PPP4R4: variants seen among roughly 807,000 people sequenced by gnomAD.
PPP4R4 encodes the protein serine/threonine-protein phosphatase 4 regulatory subunit 4.
PPP4R4 carries 70 observed loss-of-function variants against 121.8 expected under a neutral mutation model. That is an observed-to-expected ratio of 0.57 (90% confidence interval 0.47 to 0.70). The LOEUF (loss-of-function observed/expected upper bound fraction) is 0.70. PPP4R4 is among the 30% of genes least tolerant of loss of function. The pLI, the probability that PPP4R4 is intolerant of heterozygous loss-of-function variation, is 0.00. For synonymous variants in PPP4R4, 348 were observed against 355.7 expected (o/e 0.98, Z 0.24); for missense variants, 875 against 1,033.6 (o/e 0.85, Z 2.10).
At chr14:94,196,955 A>G (rs1265694194) in intron 2 of PPP4R4, among the ~76,000 whole-genome samples, 1 of 151,820 alleles carries the variant, frequency 6.6e-6, no homozygotes, top group African/African-American at 2.4e-5. Context: ...CATGATCCTT[A>G]TTTTTCATTT....
intron 3 of PPP4R4, among the ~76,000 whole-genome samples, chr14:94,214,235 T>C (rs763303252): frequency 6.6e-6 from 1 of 152,142 alleles, no homozygotes; most frequent in Non-Finnish European, 1.5e-5. Flanking sequence ...CAGAATTTGT[T>C]TGGAAATTTG....
At chr14:94,219,080 C>CT (rs71301922) in intron 3 of PPP4R4, among the ~76,000 whole-genome samples, 37,169 of 106,904 alleles carry the variant, frequency 0.35, 6,661 homozygotes, top group East Asian at 0.58. Context: ...CTTTTCTTTT[C>CT]TTTTTTTTTT....
chr14:94,274,376 T>C (rs1442632356), intron 23 of PPP4R4, among the ~76,000 whole-genome samples: 1 of 152,054 alleles, frequency 6.6e-6, no homozygotes, highest in Non-Finnish European at 1.5e-5. Context: ...GAAATACTCA[T>C]AGCATATGTA....
chr14:94,246,207 A>G (rs1431127191), intron 13 of PPP4R4, 150 bp from the exon 14 acceptor site: 2 of 606,720 alleles, frequency 3.3e-6, no homozygotes, highest in Admixed American at 7.4e-5. Flanking sequence ...TGATTTAACC[A>G]GATAATTATC....
intron 2 of PPP4R4, among the ~76,000 whole-genome samples, chr14:94,195,659 T>G (rs1209936708): frequency 1.3e-5 from 2 of 151,996 alleles, no homozygotes; most frequent in Admixed American, 6.6e-5. Flanking sequence ...TACAGTAGTA[T>G]TTCCTAAATG....
chr14:94,229,504 A>C (rs539032981), intron 3 of PPP4R4, among the ~76,000 whole-genome samples: 1 of 152,190 alleles, frequency 6.6e-6, no homozygotes, highest in African/African-American at 2.4e-5. Flanking sequence ...TTCCAACTAG[A>C]TATCCAAAGG....
chr14:94,197,792 C>T (rs1014792483), intron 2 of PPP4R4, among the ~76,000 whole-genome samples: 9 of 152,178 alleles, frequency 5.9e-5, no homozygotes, highest in Non-Finnish European at 7.4e-5. Context: ...CTGTGATTTT[C>T]TGTAAGTGAA....
At position 94,234,554 on chromosome 14, in the gene PPP4R4, A is replaced by G. The variant is rs1892221140; in HGVS notation, c.624-8A>G. The stretch of plus-strand genomic sequence containing the variant: ...TCATTTGCATGTTTCTTTTCTCCCC[A>G]CCTTCAGCATTAAGCGAGAAATACT... On this transcript the variant is annotated splice_region_variant and splice_polypyrimidine_tract_variant and intron_variant, in intron 6 of 24. Coordinates refer to ENST00000304338, the MANE Select transcript of PPP4R4 (RefSeq NM_058237.2). 1 of 1,524,672 alleles carries G rather than the reference A, an allele frequency of 6.6e-7. No individual in the cohort carries two copies. Among genetic ancestry groups the G allele is most frequent in the Non-Finnish European group, 9.1e-7 (1 of 1,102,606 alleles). 94.4% of individuals were successfully genotyped at this position (1,524,672 alleles called of 1,614,324 possible). A position where few individuals can be genotyped will look rare whatever the true frequency, so the allele number is the denominator to read the frequency against.
chr14:94,248,879 C>T (rs983876458), intron 14 of PPP4R4, among the ~76,000 whole-genome samples: 7 of 151,940 alleles, frequency 4.6e-5, no homozygotes, highest in East Asian at 1.9e-4. Flanking sequence ...TAGGAGGTGG[C>T]GTAGTAGCTA....
chr14:94,188,045 T>G (rs770542650), intron 2 of PPP4R4, among the ~76,000 whole-genome samples: 4 of 152,234 alleles, frequency 2.6e-5, no homozygotes, highest in Non-Finnish European at 5.9e-5. Flanking sequence ...GAAAGCATTC[T>G]GTCTCTTACC....
At chr14:94,208,363 A>G (rs1489961325) in intron 2 of PPP4R4, 101 bp from the exon 3 acceptor site, 3 of 789,218 alleles carry the variant, frequency 3.8e-6, no homozygotes, top group South Asian at 3.0e-5. Context: ...AGTGCTTAAC[A>G]TTCAAAGCAG....
In PPP4R4 at chr14:94,250,191, A is replaced by G; in HGVS notation, c.1631A>G (p.Lys544Arg). Residue 544 changes from lysine (K) to arginine (R), a missense_variant, in exon 15 of 25, where the codon AAG becomes AGG. Transcript: ENST00000304338. ...TTCAAGAATGTTTTACCTGTCCAAA[A>G]GGCGGCTTCACGAACTCTATGCATT... Reference protein sequence around the residue: ...MMTNNVLPVQKAASRTLCIFL... With the variant: ...MMTNNVLPVQRAASRTLCIFL... The G allele has an allele frequency of 1.2e-6, 2 of 1,610,744 alleles. No individual in the cohort carries two copies. Among genetic ancestry groups the G allele is most frequent in the Non-Finnish European group, 1.7e-6 (2 of 1,177,262 alleles).
chr14:94,265,735 G>A, intron 21 of PPP4R4, 59 bp from the exon 22 acceptor site: 12 of 1,242,586 alleles, frequency 9.7e-6, no homozygotes, highest in South Asian at 4.0e-5. Flanking sequence ...AGGGAATGGG[G>A]GTTGGAGCAG....
At chr14:94,219,065 T>TC (rs1891237096) in intron 3 of PPP4R4, among the ~76,000 whole-genome samples, 3 of 146,502 alleles carry the variant, frequency 2.0e-5, no homozygotes, top group African/African-American at 7.5e-5. Context: ...ATCTTTTTTT[T>TC]TTTTCTTTTC....
intron 5 of PPP4R4, among the ~76,000 whole-genome samples, chr14:94,231,885 AG>A (rs1264440965): frequency 1.3e-5 from 2 of 152,082 alleles, no homozygotes; most frequent in Non-Finnish European, 2.9e-5. Context: ...TATCAGCAAT[AG>A]TGTTTCTGTT....
At chr14:94,225,156 C>G (rs1891628374) in intron 3 of PPP4R4, among the ~76,000 whole-genome samples, 1 of 152,154 alleles carries the variant, frequency 6.6e-6, no homozygotes, top group South Asian at 2.1e-4. Context: ...GGAACTTCCT[C>G]TTTCAATAAA....
At position 94,251,461 on chromosome 14, in the gene PPP4R4, C is replaced by CACATAGTGGGTGATAAAAAGTAGTAAATA. The variant is rs1893174255; in HGVS notation, c.1718-287_1718-259dup. 5.3e-5 allele frequency among the ~76,000 whole-genome samples: 8 copies of CACATAGTGGGTGATAAAAAGTAGTAAATA among 152,022 alleles called. No individual in the cohort carries two copies. In the South Asian group the frequency reaches 1.7e-3, roughly 32 times the overall value. The stretch of plus-strand genomic sequence containing the variant: ...GAGATAATATGTGTAAAGTACTTAG[C>CACATAGTGGGTGATAAAAAGTAGTAAATA]ACATAGTGGGTGATAAAAAGTAGTA... On this transcript the variant is annotated intron_variant, in intron 15 of 24. Transcript: ENST00000304338.
Position 94,233,764 on chromosome 14 carries a change from G to A in PPP4R4, c.623+5G>A, listed in dbSNP as rs764627676. On this transcript the variant is annotated splice_donor_5th_base_variant and intron_variant, in intron 6 of 24. Coordinates refer to ENST00000304338, the MANE Select transcript of PPP4R4 (RefSeq NM_058237.2). ...CAACAAATTTGATGCCCACACGTGA[G>A]TATTTGTATGTAATTTTCGGTCTAC... 3.3e-6 allele frequency: 5 copies of A among 1,505,608 alleles called. No individual in the cohort carries two copies. The highest frequency in any genetic ancestry group is 4.6e-6 in the Non-Finnish European group (5 of 1,088,778). The allele number at this position is 1,505,608 out of a possible 1,614,324, so 93.3% of individuals were successfully genotyped here.
intron 23 of PPP4R4, among the ~76,000 whole-genome samples, chr14:94,267,957 G>C (rs1328964489): frequency 6.6e-6 from 1 of 152,114 alleles, no homozygotes; most frequent in Non-Finnish European, 1.5e-5. Context: ...TAGCATTAAA[G>C]CATCGACATT....
Sources: gnomAD v4.1 joint callset for allele counts (sites outside exome capture counted in the v4.1 genomes callset) on GRCh38, gnomAD v4.1.1 for gene constraint, MANE v1.5 for transcripts, NCBI Gene and HGNC (gene_info 2026-07-23, HGNC 2026-07-21) for gene names.